AUTS2: variants seen among roughly 807,000 people sequenced by gnomAD.
AUTS2 encodes autism susceptibility gene 2 protein.
A neutral mutation model predicts 112.4 loss-of-function variants in AUTS2; 17 were observed. The ratio of observed to expected loss-of-function variants is 0.15; its 90% CI spans 0.10 to 0.23. The LOEUF is 0.23. Ranked by LOEUF, AUTS2 falls within the 10% of genes least tolerant of loss-of-function variation. The pLI, the probability that AUTS2 is intolerant of heterozygous loss-of-function variation, is 1.00. For missense variants in AUTS2, 1,510 were observed against 1,701.6 expected (o/e 0.89, Z 1.98); for synonymous variants, 751 against 702.7 (o/e 1.07, Z -1.09).
chr7:70,075,168 C>G (rs1802967797), intron 2 of AUTS2, among the ~76,000 whole-genome samples: 1 of 152,230 alleles, frequency 6.6e-6, no homozygotes, highest in Non-Finnish European at 1.5e-5. Flanking sequence ...CACTGGACAT[C>G]AAAAGATTGC....
intron 4 of AUTS2, among the ~76,000 whole-genome samples, chr7:70,173,307 G>C (rs552571790): frequency 6.6e-6 from 1 of 151,628 alleles, no homozygotes; most frequent in South Asian, 2.1e-4. Flanking sequence ...CTTGCAGTGA[G>C]CCGAGGTCGT....
At chr7:70,538,725 TA>T (rs538557540) in intron 5 of AUTS2, among the ~76,000 whole-genome samples, 1 of 152,216 alleles carries the variant, frequency 6.6e-6, no homozygotes, top group Non-Finnish European at 1.5e-5. Context: ...TTCTCATGTT[TA>T]AAGCATGATA....
chr7:70,399,313 A>T (rs1001197739), intron 4 of AUTS2, among the ~76,000 whole-genome samples: 3 of 152,114 alleles, frequency 2.0e-5, no homozygotes, highest in African/African-American at 7.2e-5. Flanking sequence ...TTAGTGTGTG[A>T]CTATGGTGAA....
intron 2 of AUTS2, among the ~76,000 whole-genome samples, chr7:70,052,520 A>C (rs539320664): frequency 6.6e-6 from 1 of 152,296 alleles, no homozygotes; most frequent in Admixed American, 6.5e-5. Context: ...TGTTCACTGC[A>C]TGAAGGTGGC....
At chr7:69,688,010 C>T (rs1047175093) in intron 1 of AUTS2, among the ~76,000 whole-genome samples, 2 of 152,148 alleles carry the variant, frequency 1.3e-5, no homozygotes, top group African/African-American at 4.8e-5. Flanking sequence ...TATTAAGCTG[C>T]CAAGCCTTTT....
intron 2 of AUTS2, among the ~76,000 whole-genome samples, chr7:70,025,446 T>C (rs1206167011): frequency 1.3e-5 from 2 of 151,328 alleles, no homozygotes; most frequent in African/African-American, 2.4e-5. Flanking sequence ...ACTTTTTTTG[T>C]TTCCTTTTTT....
At chr7:70,117,896 A>G (rs961923246) in intron 2 of AUTS2, among the ~76,000 whole-genome samples, 8 of 151,898 alleles carry the variant, frequency 5.3e-5, no homozygotes, top group Non-Finnish European at 1.0e-4. Flanking sequence ...TTACAGGCAC[A>G]TGCCACCATG....
chr7:70,177,916 C>G (rs2129580171), intron 4 of AUTS2, among the ~76,000 whole-genome samples: 1 of 147,794 alleles, frequency 6.8e-6, no homozygotes, highest in Middle Eastern at 3.5e-3. Context: ...TAACATAATT[C>G]TGTTTTTTTT....
At chr7:70,044,447 C>G (rs578222489) in intron 2 of AUTS2, among the ~76,000 whole-genome samples, 3 of 152,106 alleles carry the variant, frequency 2.0e-5, no homozygotes, top group African/African-American at 7.2e-5. Context: ...TTTGGGATGG[C>G]CTGGGGATGG....
Position 70,631,237 on chromosome 7 carries a change from G to A in AUTS2, c.691-67332G>A, listed in dbSNP as rs1377759755. The stretch of plus-strand genomic sequence containing the variant: ...CCAAGAGGGTCCTCAGAGACAAACT[G>A]TGTTCAGTGTGAGTTAATACTTTAC... On this transcript the variant is annotated intron_variant, in intron 5 of 18. Transcript: ENST00000342771. The surrounding 1 kb of genome is among the most constrained non-coding windows in gnomAD (Gnocchi z 4.5). Among the ~76,000 whole-genome samples the A allele has an allele frequency of 6.6e-6, 1 of 152,206 alleles. No homozygotes were observed. Among genetic ancestry groups the A allele is most frequent in the Non-Finnish European group, 1.5e-5 (1 of 68,040 alleles).
chr7:70,565,677 C>A (rs1396149717), intron 5 of AUTS2, among the ~76,000 whole-genome samples: 2 of 152,182 alleles, frequency 1.3e-5, no homozygotes, highest in Non-Finnish European at 2.9e-5. Context: ...GAGACACTGT[C>A]AATCCATCAA....
chr7:70,084,196 G>A (rs572265553), intron 2 of AUTS2, among the ~76,000 whole-genome samples: 1 of 151,592 alleles, frequency 6.6e-6, no homozygotes, highest in African/African-American at 2.4e-5. Flanking sequence ...CCTTTTTTTT[G>A]GAGGAGGGGG....
Position 69,599,667 on chromosome 7 carries a change from C to A in AUTS2, c.14C>A (p.Thr5Lys). Residue 5 changes from threonine (T) to lysine (K), a missense_variant, in exon 1 of 19, where the codon ACG becomes AAG. Thr to Lys is a moderately conservative substitution (Grantham distance 78, BLOSUM62 -1). Transcript: ENST00000342771. The surrounding 1 kb of genome is among the most constrained non-coding windows in gnomAD (Gnocchi z 7.0). Reference sequence around the variant, plus strand: ...CGCAGCAGAACCATGGATGGCCCGACGCGGGGCCATGGACTCCGCAAAAAG... The same window carrying A: ...CGCAGCAGAACCATGGATGGCCCGAAGCGGGGCCATGGACTCCGCAAAAAG... MDGP[T>K]RGHGLRKKRR... 1 of 1,306,740 alleles carries A rather than the reference C, an allele frequency of 7.7e-7. No homozygotes were observed. The highest frequency in any genetic ancestry group is 9.7e-7 in the Non-Finnish European group (1 of 1,031,676). The allele number at this position is 1,306,740 out of a possible 1,614,324, so 80.9% of individuals were successfully genotyped here. A position where few individuals can be genotyped will look rare whatever the true frequency, so the allele number is the denominator to read the frequency against.
At chr7:69,947,849 C>T (rs374845212) in intron 2 of AUTS2, among the ~76,000 whole-genome samples, 5 of 152,172 alleles carry the variant, frequency 3.3e-5, no homozygotes, top group African/African-American at 7.2e-5. Context: ...AAGGTAGGTA[C>T]GGTTGTTATT....
intron 1 of AUTS2, among the ~76,000 whole-genome samples, chr7:69,838,183 A>C (rs1023364919): frequency 1.3e-5 from 2 of 152,176 alleles, no homozygotes; most frequent in African/African-American, 4.8e-5. Context: ...GCATTTGGCA[A>C]AAGTCAGTGG....
chr7:70,604,244 G>C (rs762045639), intron 5 of AUTS2, among the ~76,000 whole-genome samples: 5 of 152,134 alleles, frequency 3.3e-5, no homozygotes, highest in Non-Finnish European at 7.3e-5. Context: ...GGTGACTGTC[G>C]CTTGGTTCCA....
At chr7:70,347,928 T>G (rs960945976) in intron 4 of AUTS2, among the ~76,000 whole-genome samples, 1 of 152,142 alleles carries the variant, frequency 6.6e-6, no homozygotes. Flanking sequence ...CCTGCTCCTT[T>G]GGGTAGAAGT....
chr7:70,321,383 T>G (rs541185124), intron 4 of AUTS2, among the ~76,000 whole-genome samples: 1 of 152,330 alleles, frequency 6.6e-6, no homozygotes, highest in African/African-American at 2.4e-5. Flanking sequence ...ACATTTCTTT[T>G]CTCTGTTTTG....
intron 5 of AUTS2, among the ~76,000 whole-genome samples, chr7:70,563,570 C>G (rs989257129): frequency 1.3e-5 from 2 of 152,266 alleles, no homozygotes; most frequent in Middle Eastern, 3.4e-3. Context: ...GCCTCATGCA[C>G]CCTTGAGGTG....
Sources: gnomAD v4.1 joint callset for allele counts (sites outside exome capture counted in the v4.1 genomes callset) on GRCh38, gnomAD v4.1.1 for gene constraint, Gnocchi (gnomAD v3.1) non-coding constraint, MANE v1.5 for transcripts, NCBI Gene and HGNC (gene_info 2026-07-23, HGNC 2026-07-21) for gene names.